Variants in KCNIP4 observed in about 807,000 individuals in gnomAD.
KCNIP4 encodes Kv channel-interacting protein 4.
A neutral mutation model predicts 34.0 loss-of-function variants in KCNIP4; 12 were observed. The ratio of observed to expected loss-of-function variants is 0.35; its 90% CI spans 0.23 to 0.57. The LOEUF is 0.57. Ranked by LOEUF, KCNIP4 falls within the 20% of genes least tolerant of loss-of-function variation. KCNIP4 has a pLI of 0.83. For synonymous variants in KCNIP4, 124 were observed against 102.2 expected, an observed-to-expected ratio of 1.21 and a Z score of -1.29; for missense variants, 238 against 311.7, an observed-to-expected ratio of 0.76 and a Z score of 1.78.
intron 1 of KCNIP4, among the ~76,000 whole-genome samples, chr4:21,308,867 C>A (rs188634634): frequency 1.3e-5 from 2 of 152,192 alleles, no homozygotes; most frequent in Admixed American, 1.3e-4. Flanking sequence ...CAGGCGCCCC[C>A]ATTTAAAGAA....
At chr4:20,993,622 A>G (rs922330786) in intron 1 of KCNIP4, among the ~76,000 whole-genome samples, 1 of 152,206 alleles carries the variant, frequency 6.6e-6, no homozygotes, top group African/African-American at 2.4e-5. Context: ...TCTGGGAATG[A>G]GTTTTCCTAG....
intron 1 of KCNIP4, among the ~76,000 whole-genome samples, chr4:21,202,876 G>T (rs779911243): frequency 2.6e-5 from 4 of 152,152 alleles, no homozygotes; most frequent in Non-Finnish European, 5.9e-5. Flanking sequence ...CCTCACATTT[G>T]TTGGCCACAA....
intron 1 of KCNIP4, among the ~76,000 whole-genome samples, chr4:21,581,769 G>A (rs893984515): frequency 2.6e-5 from 4 of 151,882 alleles, no homozygotes; most frequent in African/African-American, 9.7e-5. Context: ...GCCTCCTTCA[G>A]TCAGTTCATA....
chr4:21,558,777 A>C (rs1235326468), intron 1 of KCNIP4, among the ~76,000 whole-genome samples: 2 of 152,168 alleles, frequency 1.3e-5, no homozygotes, highest in East Asian at 3.9e-4. Flanking sequence ...TGAAATGTGA[A>C]GCAAAGATTA....
intron 1 of KCNIP4, among the ~76,000 whole-genome samples, chr4:21,943,196 C>T (rs1047397740): frequency 2.6e-5 from 4 of 152,162 alleles, no homozygotes; most frequent in Non-Finnish European, 5.9e-5. Flanking sequence ...CCAGTGAATT[C>T]TGCCTTGTCA....
At chr4:21,277,431 C>G (rs1485518) in intron 1 of KCNIP4, among the ~76,000 whole-genome samples, 23,676 of 152,084 alleles carry the variant, frequency 0.16, 2,365 homozygotes, top group South Asian at 0.28. Flanking sequence ...ATTTGATACC[C>G]TAGGGTAACA....
chr4:21,701,188 T>C (rs1012329967), intron 1 of KCNIP4, among the ~76,000 whole-genome samples: 1 of 152,172 alleles, frequency 6.6e-6, no homozygotes, highest in African/African-American at 2.4e-5. Context: ...CTCACTTATA[T>C]GTGGAATCTA....
intron 1 of KCNIP4, among the ~76,000 whole-genome samples, chr4:21,793,920 G>A (rs534292477): frequency 1.3e-5 from 2 of 152,296 alleles, no homozygotes; most frequent in African/African-American, 4.8e-5. Flanking sequence ...TTAAGAAAAT[G>A]TGGCACATAT....
chr4:21,132,900 C>A (rs1006028150), intron 1 of KCNIP4, among the ~76,000 whole-genome samples: 4 of 150,130 alleles, frequency 2.7e-5, no homozygotes, highest in African/African-American at 9.8e-5. Flanking sequence ...GTAATCCCAG[C>A]TACTTGGGAC....
At chr4:20,853,491 T>A (rs1721254968) in intron 2 of KCNIP4, among the ~76,000 whole-genome samples, 1 of 152,092 alleles carries the variant, frequency 6.6e-6, no homozygotes, top group South Asian at 2.1e-4. Flanking sequence ...AAAAATCAAC[T>A]CAAGATGGAT....
chr4:21,791,242 C>A (rs1168854969), intron 1 of KCNIP4, among the ~76,000 whole-genome samples: 1 of 151,966 alleles, frequency 6.6e-6, no homozygotes, highest in South Asian at 2.1e-4. Context: ...ATGGGGCAAG[C>A]GAGCTCTGAG....
At chr4:20,775,279 AAAGC>A (rs543816843) in intron 3 of KCNIP4, among the ~76,000 whole-genome samples, 56 of 152,292 alleles carry the variant, frequency 3.7e-4, no homozygotes, top group African/African-American at 1.3e-3. Context: ...AAAGTAAATA[AAAGC>A]AAGCAAGCAA....
intron 1 of KCNIP4, among the ~76,000 whole-genome samples, chr4:21,820,400 C>T (rs1292907688): frequency 6.6e-6 from 1 of 150,852 alleles, no homozygotes; most frequent in Non-Finnish European, 1.5e-5. Flanking sequence ...TGTCGACCCA[C>T]ATGCAGAGCT....
At chr4:21,303,751 A>T in intron 1 of KCNIP4, 1 of 1,402,910 alleles carries the variant, frequency 7.1e-7, no homozygotes, top group Non-Finnish European at 1.0e-6. Context: ...TTCACCTAAG[A>T]CATTTTCATT....
chr4:21,188,616 A>G (rs1413584917), intron 1 of KCNIP4, among the ~76,000 whole-genome samples: 1 of 152,174 alleles, frequency 6.6e-6, no homozygotes, highest in African/African-American at 2.4e-5. Flanking sequence ...TAAATGAATG[A>G]TTTTTGAAAT....
chr4:20,793,756 T>C (rs1027347483), intron 3 of KCNIP4, among the ~76,000 whole-genome samples: 1 of 151,960 alleles, frequency 6.6e-6, no homozygotes, highest in African/African-American at 2.4e-5. Flanking sequence ...CTGAGCTTGT[T>C]TTCCTGCAAC....
At chr4:21,464,715 G>A (rs1347128244) in intron 1 of KCNIP4, 3 of 151,972 alleles carry the variant, frequency 2.0e-5, no homozygotes, top group Admixed American at 1.3e-4. Context: ...GGTGTATACT[G>A]TTGTTCAAAG....
chr4:21,316,847 G>C (rs1323612500), intron 1 of KCNIP4, among the ~76,000 whole-genome samples: 1 of 152,094 alleles, frequency 6.6e-6, no homozygotes, highest in Non-Finnish European at 1.5e-5. Context: ...CAAATGCATT[G>C]TCTTGAAATA....
At position 21,459,582 on chromosome 4, in the gene KCNIP4, T is replaced by C. The variant is rs115476625; in HGVS notation, c.61+488989A>G. ...ACCTCTCTCCTGCCCTCCAGACTCA[T>C]ACATCCAATTGCCTGCTTGGCAACT... On this transcript the variant is annotated intron_variant, in intron 1 of 8. Transcript: ENST00000382152. 6.9e-3 allele frequency among the ~76,000 whole-genome samples: 1,051 copies of C among 152,130 alleles called. 10 individuals are homozygous for C. The highest frequency in any genetic ancestry group is 0.023 in the African/African-American group (963 of 41,498).
Sources: allele counts gnomAD v4.1 joint callset (sites outside exome capture counted in the v4.1 genomes callset), GRCh38; gene constraint gnomAD v4.1.1; transcripts MANE v1.5; gene names NCBI Gene and HGNC (gene_info 2026-07-23, HGNC 2026-07-21).